MACF1: variants seen among roughly 807,000 people sequenced by gnomAD.
MACF1 encodes the protein microtubule actin crosslinking factor 1, also known as microtubule-actin cross-linking factor 1.
Under a neutral mutation model 854.8 loss-of-function variants are expected in MACF1, and 193 were observed. The ratio of observed to expected loss-of-function variants is 0.23; its 90% CI spans 0.20 to 0.25. The LOEUF (loss-of-function observed/expected upper bound fraction) is 0.25, where lower values mean the gene tolerates loss of function less well. Among genes scored for constraint, MACF1 ranks in the 10% least tolerant of loss-of-function variants. MACF1 has a pLI of 1.00. For missense variants in MACF1, 7,722 were observed against 8,929.1 expected (o/e 0.86, Z 5.45); for synonymous variants, 3,185 against 3,226.7 (o/e 0.99, Z 0.44).
At chr1:39,327,114 G>T (rs1646629516) in intron 35 of MACF1, 104 bp from the exon 36 acceptor site, 2 of 1,100,712 alleles carry the variant, frequency 1.8e-6, no homozygotes, top group African/African-American at 3.2e-5. Flanking sequence ...TATGGAAGAA[G>T]ATCATCCATC....
At position 39,310,442 on chromosome 1, in the gene MACF1, G is replaced by A. The variant is rs1403581932; in HGVS notation, c.3100+14G>A. ...CCATGGAGAATGGTGTGTGCACTGG[G>A]AAGAGGGAAAGAGAATAGTAGAATG... On this transcript the variant is annotated intron_variant, in intron 25 of 100. Transcript: ENST00000564288. 38 of 1,609,238 alleles carry A rather than the reference G, an allele frequency of 2.4e-5. No homozygotes were observed. The highest frequency in any genetic ancestry group is 3.1e-5 in the Non-Finnish European group (36 of 1,177,658).
rs147191757 is a variant in MACF1, at chr1:39,185,201, A to G, written c.221-45981A>G. On this transcript the variant is annotated intron_variant, in intron 2 of 93. Transcript: ENST00000361689. ...CAGCTACACGGGAGGCTGAGGCAGG[A>G]GAATGGCATGTACCTGGGAGGTGGA... Among the ~76,000 whole-genome samples the G allele has an allele frequency of 5.0e-3, 755 of 151,848 alleles. 4 individuals are homozygous for G. Among genetic ancestry groups the G allele is most frequent in the African/African-American group, 0.017 (721 of 41,402 alleles).
intron 58 of MACF1, among the ~76,000 whole-genome samples, chr1:39,399,524 A>G (rs1186635361): frequency 6.6e-6 from 1 of 151,896 alleles, no homozygotes; most frequent in Non-Finnish European, 1.5e-5. Context: ...ACAGGCACGC[A>G]CCATCTTGCC....
rs1255339456 is a variant in MACF1 at position 39,349,466 on chromosome 1, C to T, written c.10816-12C>T. 3 of 1,603,212 alleles carry T rather than the reference C, an allele frequency of 1.9e-6. No homozygotes were observed. Among genetic ancestry groups the T allele is most frequent in the South Asian group, 2.2e-5 (2 of 89,574 alleles). On this transcript the variant is annotated splice_polypyrimidine_tract_variant and intron_variant, in intron 41 of 100. Coordinates refer to ENST00000564288, the MANE Select transcript of MACF1 (RefSeq NM_001394062.1). Reference sequence around the variant, plus strand: ...TACGAAATGTCTCTTGACCCCTTTGCATTTTAATTAGACCCTGCAGAAACA... The same window carrying T: ...TACGAAATGTCTCTTGACCCCTTTGTATTTTAATTAGACCCTGCAGAAACA...
At chr1:39,131,676 C>G (rs968461716) in intron 2 of MACF1, among the ~76,000 whole-genome samples, 2 of 152,090 alleles carry the variant, frequency 1.3e-5, no homozygotes, top group Non-Finnish European at 2.9e-5. Context: ...AATACATTTA[C>G]TGCAGACAGA....
At chr1:39,411,367 A>G (rs1642994424) in intron 58 of MACF1, 2 of 1,613,934 alleles carry the variant, frequency 1.2e-6, no homozygotes, top group Admixed American at 1.7e-5. Context: ...AGAACAAGCA[A>G]ACACAGCAGT....
chr1:39,278,475 A>C (rs986354344), intron 6 of MACF1, among the ~76,000 whole-genome samples: 2 of 152,250 alleles, frequency 1.3e-5, no homozygotes, highest in Non-Finnish European at 2.9e-5. Flanking sequence ...AATACTAAGA[A>C]ATGAGAGATG....
chr1:39,393,196 A>AAAAAAT (rs57576149), intron 58 of MACF1, among the ~76,000 whole-genome samples: 3 of 66,576 alleles, frequency 4.5e-5, no homozygotes, highest in Admixed American at 1.6e-4. Context: ...AAAAAAAAAA[A>AAAAAAT]ATATATATAT....
At chr1:39,361,061 A>G (rs533894781) in intron 48 of MACF1, 60 bp downstream of exon 48, 5 of 1,425,912 alleles carry the variant, frequency 3.5e-6, no homozygotes, top group African/African-American at 1.4e-5. Context: ...CCATCATTAC[A>G]TAATGTTGAA....
chr1:39,114,777 A>G (rs1469810062), intron 2 of MACF1, among the ~76,000 whole-genome samples: 1 of 152,192 alleles, frequency 6.6e-6, no homozygotes, highest in Non-Finnish European at 1.5e-5. Context: ...AGGGAGGGCT[A>G]TCATATAGAT....
At chr1:39,196,575 A>G (rs576572192) in intron 2 of MACF1, among the ~76,000 whole-genome samples, 14 of 152,270 alleles carry the variant, frequency 9.2e-5, no homozygotes, top group Admixed American at 7.9e-4. Context: ...GTTATGTGCT[A>G]TTCCCTCTAC....
intron 1 of MACF1, among the ~76,000 whole-genome samples, chr1:39,213,295 T>A (rs1340117316): frequency 1.3e-5 from 2 of 152,052 alleles, no homozygotes; most frequent in East Asian, 3.9e-4. Flanking sequence ...GAGATGGGGT[T>A]ATGGAGACAA....
chr1:39,295,707 G>C (rs1366573257), intron 19 of MACF1, 80 bp from the exon 20 acceptor site: 7 of 1,006,974 alleles, frequency 7.0e-6, no homozygotes, highest in Non-Finnish European at 8.9e-6. Context: ...TAGCAGAGTT[G>C]TACTTGGAAA....
At chr1:39,206,140 A>G (rs747665640) in intron 1 of MACF1, among the ~76,000 whole-genome samples, 1 of 152,238 alleles carries the variant, frequency 6.6e-6, no homozygotes, top group Non-Finnish European at 1.5e-5. Flanking sequence ...AATTAGATTC[A>G]ATCATTCCCC....
At chr1:39,159,052 G>T (rs1643746302) in intron 2 of MACF1, among the ~76,000 whole-genome samples, 1 of 152,172 alleles carries the variant, frequency 6.6e-6, no homozygotes, top group Admixed American at 6.5e-5. Context: ...CCTACCCTTT[G>T]TCCTTGCTGA....
Position 39,316,410 on chromosome 1 carries a change from A to T in MACF1, c.3469A>T (p.Ile1157Leu). Residue 1157 changes from isoleucine (I) to leucine (L), a missense_variant, in exon 28 of 101, where the codon ATA becomes TTA. By Grantham distance (5) the Ile-to-Leu change is conservative (BLOSUM62 2). Coordinates refer to ENST00000564288, the MANE Select transcript of MACF1 (RefSeq NM_001394062.1). The part of the protein sequence containing the change: ...YLNKLKTVDV[I>L]VRSIQDAELL... ...CCACAGGTTAAAGACAGTTGATGTT[A>T]TAGTACGTAGCATACAGGATGCTGA... is the stretch of plus-strand genomic sequence containing the variant. The T allele has an allele frequency of 6.2e-7, 1 of 1,612,528 alleles. No homozygotes were observed. Among genetic ancestry groups the T allele is most frequent in the Non-Finnish European group, 8.5e-7 (1 of 1,179,146 alleles).
chr1:39,470,906 A>G (rs1039263957), intron 97 of MACF1, among the ~76,000 whole-genome samples: 23 of 152,158 alleles, frequency 1.5e-4, no homozygotes, highest in Non-Finnish European at 5.9e-5. Context: ...TCTATTTATG[A>G]TAACATCATG....
chr1:39,483,114 A>C (rs1343114516), intron 99 of MACF1, among the ~76,000 whole-genome samples: 4 of 74,940 alleles, frequency 5.3e-5, no homozygotes, highest in African/African-American at 9.2e-5. Context: ...AAAAAAAAAC[A>C]CCCACACATT....
intron 55 of MACF1, 36 bp downstream of exon 55, chr1:39,380,409 T>C (rs770321331): frequency 3.1e-6 from 5 of 1,589,282 alleles, no homozygotes; most frequent in African/African-American, 1.4e-5. Context: ...ATTTGCTAAG[T>C]TACTTGTCTT....
Sources: gnomAD v4.1 joint callset for allele counts (sites outside exome capture counted in the v4.1 genomes callset) on GRCh38, gnomAD v4.1.1 for gene constraint, MANE v1.5 for transcripts, NCBI Gene and HGNC (gene_info 2026-07-23, HGNC 2026-07-21) for gene names.